Variants in DMXL1 observed in about 807,000 individuals in gnomAD.
DMXL1 encodes the protein Dmx like 1.
Under a neutral mutation model 319.2 loss-of-function variants are expected in DMXL1, and 99 were observed. That is an observed-to-expected ratio of 0.31 (90% CI 0.26 to 0.37). DMXL1 has a LOEUF of 0.37. DMXL1 is among the 10% of genes least tolerant of loss of function. The pLI is 1.00. For missense variants in DMXL1, 3,745 were observed against 3,595.6 expected (o/e 1.04, Z -1.06); for synonymous variants, 1,385 against 1,235.2 (o/e 1.12, Z -2.54).
intron 34 of DMXL1, among the ~76,000 whole-genome samples, chr5:119,207,176 T>A (rs555980959): frequency 2.6e-4 from 39 of 152,284 alleles, no homozygotes; most frequent in African/African-American, 9.1e-4. Context: ...ATACATGTGA[T>A]TACAATAGCA....
chr5:119,133,453 T>C (rs2150050559), intron 11 of DMXL1, 41 bp from the exon 12 acceptor site: 1 of 1,574,536 alleles, frequency 6.4e-7, no homozygotes, highest in South Asian at 1.2e-5. Flanking sequence ...TACCTCTTTA[T>C]ATAATTTTAT....
chr5:119,223,285 G>A (rs1279131687), intron 37 of DMXL1, among the ~76,000 whole-genome samples: 1 of 151,966 alleles, frequency 6.6e-6, no homozygotes, highest in Non-Finnish European at 1.5e-5. Flanking sequence ...TTGAACTCCT[G>A]GCCTCAAGTG....
intron 19 of DMXL1, among the ~76,000 whole-genome samples, chr5:119,153,381 T>A (rs1260225895): frequency 6.6e-6 from 1 of 152,232 alleles, no homozygotes; most frequent in African/African-American, 2.4e-5. Context: ...AGTGGAATGA[T>A]TAAGTCAAAC....
In DMXL1 at chr5:119,167,825, C is replaced by G. The variant is rs746219076; in HGVS notation, c.5359C>G (p.Leu1787Val). Reference protein sequence around the residue: ...YWILEDYSGALETLIKQPIRE... With the variant: ...YWILEDYSGAVETLIKQPIRE... ...GATTTTGGAAGATTATAGTGGTGCT[C>G]TGGAAACATTAATAAAGCAACCTAT... Residue 1787 changes from leucine to valine, a missense_variant, in exon 23 of 44, where the codon CTG becomes GTG. Physicochemically the swap from Leu to Val is conservative, Grantham distance 32. Transcript: ENST00000539542. The G allele has an allele frequency of 1.2e-6, 2 of 1,613,104 alleles. No homozygotes were observed. The highest frequency in any genetic ancestry group is 1.1e-5 in the South Asian group (1 of 90,880).
intron 23 of DMXL1, 149 bp from the exon 24 acceptor site, chr5:119,170,041 T>G: frequency 1.5e-6 from 1 of 653,804 alleles, no homozygotes; most frequent in African/African-American, 1.8e-5. Flanking sequence ...TTGTTGTCTC[T>G]TCAGTGCCAT....
At chr5:119,075,134 T>G (rs1580532129) in intron 1 of DMXL1, among the ~76,000 whole-genome samples, 1 of 152,126 alleles carries the variant, frequency 6.6e-6, no homozygotes, top group Non-Finnish European at 1.5e-5. Context: ...GAAAAATGGA[T>G]AGAGAAACCT....
At chr5:119,092,007 G>A (rs1754907087) in intron 1 of DMXL1, among the ~76,000 whole-genome samples, 1 of 152,144 alleles carries the variant, frequency 6.6e-6, no homozygotes. Flanking sequence ...AACCCAATAT[G>A]GTGGGGAAGC....
chr5:119,220,822 A>G, intron 36 of DMXL1, 118 bp from the exon 37 acceptor site: 1 of 1,294,132 alleles, frequency 7.7e-7, no homozygotes. Flanking sequence ...TGAGTTACAA[A>G]TAAGAGCTGA....
chr5:119,133,336 A>G lies in DMXL1; in HGVS notation c.1520A>G (p.His507Arg), dbSNP rs771573766. 8 of 1,613,896 alleles carry G rather than the reference A, an allele frequency of 5.0e-6. No homozygotes were observed. The highest frequency in any genetic ancestry group is 3.3e-5 in the South Asian group (3 of 91,086). Residue 507 changes from histidine (H) to arginine (R), a missense_variant, in exon 11 of 44, where the codon CAT (histidine) becomes CGT (arginine). Around this residue, in one of 4 missense-constraint regions of DMXL1, gnomAD observed 2,096 missense variants for 1,985.4 expected, o/e 1.06. Coordinates refer to ENST00000539542, the MANE Select transcript of DMXL1 (RefSeq NM_001290321.3). The stretch of plus-strand genomic sequence containing the variant: ...ATGGATGGTTCTTTGCTAGTTTGGC[A>G]TGTGGATTGGCTGGATGAATACCAG... ...HPMDGSLLVW[H>R]VDWLDEYQPG...
intron 32 of DMXL1, among the ~76,000 whole-genome samples, chr5:119,201,394 A>AACTTGCATCCTGGGAATGAAGCCT (rs1780685535): frequency 1.3e-5 from 2 of 152,132 alleles, no homozygotes; most frequent in Non-Finnish European, 2.9e-5. Context: ...TGTTGAACCA[A>AACTTGCATCCTGGGAATGAAGCCT]ACTTGCATCC....
At position 119,171,823 on chromosome 5, in the gene DMXL1, T is replaced by C; in HGVS notation, c.6535T>C (p.Ser2179Pro). ...LFSSPLSEQTSVPLLFACTAN... is the reference protein window; with the variant it reads ...LFSSPLSEQTPVPLLFACTAN... The stretch of plus-strand genomic sequence containing the variant: ...TTCTAGCCCTCTGTCAGAGCAAACC[T>C]CAGTGCCTCTCCTCTTTGCTTGTAC... The change falls in exon 25 of 44, where the codon TCA becomes CCA. Residue 2179 changes from serine (S) to proline (P), a missense_variant. Around this residue, in one of 4 missense-constraint regions of DMXL1, gnomAD observed 1,382 missense variants for 1,269.5 expected, o/e 1.09. Transcript: ENST00000539542. The C allele has an allele frequency of 6.2e-7, 1 of 1,613,810 alleles. No individual in the cohort carries two copies. The highest frequency in any genetic ancestry group is 8.5e-7 in the Non-Finnish European group (1 of 1,179,786).
At chr5:119,184,057 C>G (rs1437372372) in intron 28 of DMXL1, among the ~76,000 whole-genome samples, 2 of 138,982 alleles carry the variant, frequency 1.4e-5, no homozygotes, top group Non-Finnish European at 3.0e-5. Context: ...ATGTTTTCTT[C>G]TCTTTTTTTT....
At position 119,244,693 on chromosome 5, in the gene DMXL1, T is replaced by C; in HGVS notation, c.8922+117T>C. 4.5e-6 allele frequency: 3 copies of C among 666,900 alleles called. No homozygotes were observed. In the Admixed American group the frequency reaches 9.3e-5, roughly 21 times the overall value. The allele number at this position is 666,900 out of a possible 1,614,324, so 41.3% of individuals were successfully genotyped here. On this transcript the variant is annotated intron_variant, in intron 43 of 43. Coordinates refer to ENST00000539542, the MANE Select transcript of DMXL1 (RefSeq NM_001290321.3). The stretch of plus-strand genomic sequence containing the variant: ...AATAGTTATATTAATTCCTTTGTAG[T>C]CAGCAGTGCTAATTGCTATTTAATC...
In DMXL1 at chr5:119,134,362, A is replaced by G. The variant is rs775218305; in HGVS notation, c.2349A>G (p.Leu783=). ...YEAVIDAKKL[L]SELSNPEISK... ...CAGTTATTGATGCTAAGAAACTTTT[A>G]TCTGAGCTTTCTAACCCTGAAATTT... The change falls in exon 13 of 44, where the codon TTA becomes TTG. Residue 783 remains leucine (L), a synonymous_variant. Transcript: ENST00000539542. The G allele has an allele frequency of 2.5e-5, 41 of 1,612,628 alleles. No homozygotes were observed. In the Admixed American group the frequency reaches 3.3e-4, roughly 13 times the overall value.
At chr5:119,162,785 C>T (rs1014672470) in intron 19 of DMXL1, among the ~76,000 whole-genome samples, 6 of 152,128 alleles carry the variant, frequency 3.9e-5, no homozygotes, top group African/African-American at 1.4e-4. Context: ...GGAGAGATAA[C>T]AGGAATCCAA....
chr5:119,092,116 G>A (rs1754933335), intron 1 of DMXL1, among the ~76,000 whole-genome samples: 1 of 152,142 alleles, frequency 6.6e-6, no homozygotes, highest in Admixed American at 6.5e-5. Context: ...GAGGGGTGTT[G>A]TGAATGTGGA....
chr5:119,121,366 GAAGGTCAGCAGATCAAC>G (rs1184211914), intron 9 of DMXL1, among the ~76,000 whole-genome samples: 13 of 151,994 alleles, frequency 8.6e-5, no homozygotes, highest in Non-Finnish European at 1.8e-4. Context: ...ATAGTGGAGG[GAAGGTCAGCAGATCAAC>G]AAGTGAACAA....
chr5:119,095,084 G>A (rs1755634356), intron 1 of DMXL1, among the ~76,000 whole-genome samples: 1 of 152,008 alleles, frequency 6.6e-6, no homozygotes, highest in Non-Finnish European at 1.5e-5. Context: ...TTAACTCCTG[G>A]ACCCAAGCGA....
chr5:119,081,183 A>C (rs11949118), intron 1 of DMXL1, among the ~76,000 whole-genome samples: 255 of 152,292 alleles, frequency 1.7e-3, no homozygotes, highest in Middle Eastern at 6.8e-3. Context: ...TCCAAGGACT[A>C]AGCTGTCTGT....
Sources: allele counts gnomAD v4.1 joint callset (sites outside exome capture counted in the v4.1 genomes callset), GRCh38; gene constraint gnomAD v4.1.1; regional missense constraint gnomAD v4.1.1; transcripts MANE v1.5; gene names NCBI Gene and HGNC (gene_info 2026-07-23, HGNC 2026-07-21).